The following ANK1 variants were observed in gnomAD, a reference collection of about 807,000 sequenced individuals.
ANK1 encodes ankyrin 1.
ANK1 carries 51 observed loss-of-function variants against 210.4 expected under a neutral mutation model. The ratio of observed to expected loss-of-function variants is 0.24; its 90% confidence interval spans 0.19 to 0.31. The LOEUF (loss-of-function observed/expected upper bound fraction) is 0.31, where lower values mean the gene tolerates loss of function less well. ANK1 is among the 10% of genes least tolerant of loss of function. The probability of loss-of-function intolerance (pLI) is 1.00; values close to 1 mark genes in which losing one functional copy is unlikely to be tolerated. For missense variants in ANK1, 2,051 were observed against 2,504.4 expected, an observed-to-expected ratio of 0.82 and a Z score of 3.86; for synonymous variants, 967 against 1,025.9, an observed-to-expected ratio of 0.94 and a Z score of 1.10.
chr8:41,818,286 C>A (rs1320169940), intron 1 of ANK1, among the ~76,000 whole-genome samples: 1 of 152,098 alleles, frequency 6.6e-6, no homozygotes, highest in Non-Finnish European at 1.5e-5. Flanking sequence ...GCCCAGAGCT[C>A]CAGAGTTCTT....
At chr8:41,893,767 T>C (rs1330349125) in intron 1 of ANK1, among the ~76,000 whole-genome samples, 1 of 152,200 alleles carries the variant, frequency 6.6e-6, no homozygotes, top group African/African-American at 2.4e-5. Context: ...TGCATGCTGG[T>C]ATAAGAAACG....
intron 1 of ANK1, among the ~76,000 whole-genome samples, chr8:41,893,422 A>C (rs1219923657): frequency 6.6e-6 from 1 of 152,180 alleles, no homozygotes; most frequent in Non-Finnish European, 1.5e-5. Context: ...AGTGTAGCTC[A>C]GTTCCCTGCG....
intron 1 of ANK1, among the ~76,000 whole-genome samples, chr8:41,774,681 G>T (rs1843633799): frequency 6.6e-6 from 1 of 152,230 alleles, no homozygotes. Flanking sequence ...TTCTGCTGAG[G>T]GTGGGAAGAT....
chr8:41,879,028 C>T (rs953499071), intron 1 of ANK1, among the ~76,000 whole-genome samples: 1 of 152,080 alleles, frequency 6.6e-6, no homozygotes, highest in Non-Finnish European at 1.5e-5. Flanking sequence ...TGCGCCACTG[C>T]ACTCCAGCCT....
At chr8:41,795,010 G>C (rs372120760) in intron 1 of ANK1, among the ~76,000 whole-genome samples, 31 of 152,266 alleles carry the variant, frequency 2.0e-4, no homozygotes, top group African/African-American at 7.0e-4. Context: ...GGCCGTAAAG[G>C]TTGTTAAACA....
chr8:41,736,477 G>A (rs1833440301), intron 2 of ANK1, among the ~76,000 whole-genome samples: 1 of 152,226 alleles, frequency 6.6e-6, no homozygotes, highest in Non-Finnish European at 1.5e-5. Context: ...CGGATGCCCT[G>A]TGATTGCTTG....
At chr8:41,892,580 C>T (rs1424077674) in intron 1 of ANK1, among the ~76,000 whole-genome samples, 3 of 152,218 alleles carry the variant, frequency 2.0e-5, no homozygotes, top group Non-Finnish European at 4.4e-5. Flanking sequence ...TAACTACATG[C>T]TCAGTGGTGG....
In ANK1 at chr8:41,748,771, T is replaced by G. The variant is rs117213219; in HGVS notation, c.129+9265A>C. Among the ~76,000 whole-genome samples the G allele has an allele frequency of 5.9e-5, 9 of 152,164 alleles. No individual in the cohort carries two copies. In the East Asian group the frequency reaches 1.2e-3, roughly 20 times the overall value. ...TTGAATGAAGCCAGGCGCGGTGGCT[T>G]ACGCCTGTAATCCCAGCACTTTGGG... On this transcript the variant is annotated intron_variant, in intron 2 of 42. Transcript: ENST00000289734.
At chr8:41,703,936 T>C (rs1823811799) in intron 20 of ANK1, 105 bp downstream of exon 20, 1 of 1,106,592 alleles carries the variant, frequency 9.0e-7, no homozygotes, top group Admixed American at 1.7e-5. Flanking sequence ...TGCGGCCCCG[T>C]CCAGGCCCTA....
intron 25 of ANK1, 31 bp downstream of exon 25, chr8:41,696,645 G>T: frequency 6.2e-7 from 1 of 1,608,182 alleles, no homozygotes. Context: ...GATGGAGACA[G>T]GAGTCCCCGA....
At chr8:41,846,230 C>T (rs573482711) in intron 1 of ANK1, among the ~76,000 whole-genome samples, 40 of 152,340 alleles carry the variant, frequency 2.6e-4, no homozygotes, top group African/African-American at 8.9e-4. Context: ...CAGACTAAGA[C>T]GAACTGCTGA....
rs970738432 is a variant in ANK1 at position 41,723,421 on chromosome 8, G to A, written c.810+114C>T. 6.1e-6 allele frequency: 8 copies of A among 1,311,684 alleles called. 1 individual carries two copies. Among genetic ancestry groups the A allele is most frequent in the Admixed American group, 3.4e-5 (2 of 58,892 alleles). 81.3% of individuals were successfully genotyped at this position (1,311,684 alleles called of 1,614,324 possible). On this transcript the variant is annotated intron_variant, in intron 8 of 42. Transcript: ENST00000289734. ...CCAGAATACTGCTGCAGGCGGCTCC[G>A]GGAGGCTGGTGGTGCATCCCTAACT...
chr8:41,886,181 G>A (rs1265253089), intron 1 of ANK1, among the ~76,000 whole-genome samples: 1 of 152,184 alleles, frequency 6.6e-6, no homozygotes, highest in Non-Finnish European at 1.5e-5. Context: ...CCACCCCTAG[G>A]TCCACAGCCT....
intron 1 of ANK1, among the ~76,000 whole-genome samples, chr8:41,783,495 G>C (rs185895360): frequency 6.6e-4 from 100 of 152,062 alleles, no homozygotes; most frequent in Middle Eastern, 3.4e-3. Flanking sequence ...CTTTTCCTCT[G>C]TTCCTCCAAA....
intron 4 of ANK1, 119 bp downstream of exon 4, chr8:41,727,789 G>A: frequency 1.1e-6 from 1 of 923,778 alleles, no homozygotes; most frequent in Non-Finnish European, 1.8e-6. Flanking sequence ...AGAAATCTAG[G>A]CCCTGCCCCA....
At chr8:41,701,643 T>A in intron 21 of ANK1, 21 bp from the exon 22 acceptor site, 1 of 1,612,246 alleles carries the variant, frequency 6.2e-7, no homozygotes, top group Non-Finnish European at 8.5e-7. Flanking sequence ...AAAAAGCAGA[T>A]AATTCAACCC....
In ANK1 at chr8:41,663,775, T is replaced by G. The variant is rs767694632; in HGVS notation, c.5395-33A>C. On this transcript the variant is annotated intron_variant, in intron 39 of 42. Transcript: ENST00000289734. ...TAGAGAAAGGGAGAAAATGCAAGAT[T>G]GGTGAGTGGGAGTCTGGGAGGAAGG... The G allele has an allele frequency of 3.0e-5, 47 of 1,553,168 alleles. No homozygotes were observed. The Admixed American group carries it at 7.5e-4, about 25-fold the overall frequency.
intron 36 of ANK1, 56 bp from the exon 37 acceptor site, chr8:41,684,746 T>C (rs1344201187): frequency 4.4e-6 from 7 of 1,580,978 alleles, no homozygotes. Context: ...GAGGATCACA[T>C]GGGCTCAGAA....
chr8:41,740,796 C>T (rs1179050144), intron 2 of ANK1, among the ~76,000 whole-genome samples: 2 of 152,214 alleles, frequency 1.3e-5, no homozygotes, highest in African/African-American at 4.8e-5. Context: ...TTTGCTCAAC[C>T]ATGTCCCCTG....
Sources: gnomAD v4.1 joint callset for allele counts (sites outside exome capture counted in the v4.1 genomes callset) on GRCh38, gnomAD v4.1.1 for gene constraint, MANE v1.5 for transcripts, NCBI Gene and HGNC (gene_info 2026-07-23, HGNC 2026-07-21) for gene names.